The following GRM1 variants were observed in gnomAD, a reference collection of about 807,000 sequenced individuals.
GRM1 encodes metabotropic glutamate receptor 1.
In GRM1, 33 loss-of-function variants were observed where a neutral mutation model predicts 90.9. That is an observed-to-expected ratio of 0.36 (90% CI 0.28 to 0.49). The LOEUF (loss-of-function observed/expected upper bound fraction) is 0.49, where lower values mean the gene tolerates loss of function less well. Among genes scored for constraint, GRM1 ranks in the 20% least tolerant of loss-of-function variants. The probability of loss-of-function intolerance (pLI) is 0.99; values close to 1 mark genes in which losing one functional copy is unlikely to be tolerated. For synonymous variants in GRM1, 700 were observed against 613.2 expected (o/e 1.14, Z -2.09); for missense variants, 1,190 against 1,534.3 (o/e 0.78, Z 3.75).
At chr6:146,047,575 GAA>G (rs5880663) in intron 1 of GRM1, among the ~76,000 whole-genome samples, 2,408 of 139,152 alleles carry the variant, frequency 0.017, 48 homozygotes, top group African/African-American at 0.052. Context: ...CATGCCTCAG[GAA>G]AAAAAAAAAA....
intron 2 of GRM1, among the ~76,000 whole-genome samples, chr6:146,203,192 AAAATAAATAAATAAATAAATAAAT>A (rs60263974): frequency 2.8e-5 from 4 of 141,718 alleles, no homozygotes; most frequent in South Asian, 2.4e-4. Context: ...ACTCCGTCTC[AAAATAAATAAATAAATAAATAAAT>A]AAATAAATAA....
intron 1 of GRM1, among the ~76,000 whole-genome samples, chr6:146,121,317 T>G (rs981225188): frequency 1.3e-5 from 2 of 152,178 alleles, no homozygotes; most frequent in African/African-American, 4.8e-5. Context: ...GTCTATTTGA[T>G]TCTTCTCTCT....
chr6:146,064,993 T>C (rs1775799867), intron 1 of GRM1, among the ~76,000 whole-genome samples: 1 of 152,052 alleles, frequency 6.6e-6, no homozygotes, highest in Non-Finnish European at 1.5e-5. Flanking sequence ...TGCTAGATAA[T>C]CTTCAAAGCC....
At chr6:146,161,159 A>C (rs73571289) in intron 2 of GRM1, among the ~76,000 whole-genome samples, 10,700 of 152,198 alleles carry the variant, frequency 0.07, 440 homozygotes, top group African/African-American at 0.11. Context: ...CTTGTTTTTA[A>C]AAAATTCTCA....
intron 1 of GRM1, among the ~76,000 whole-genome samples, chr6:146,126,637 AT>A (rs1386759799): frequency 6.6e-6 from 1 of 152,088 alleles, no homozygotes; most frequent in African/African-American, 2.4e-5. Context: ...GTATCATATC[AT>A]TGTAATTTTA....
At chr6:146,278,995 G>A (rs78179199) in intron 2 of GRM1, among the ~76,000 whole-genome samples, 2,441 of 152,162 alleles carry the variant, frequency 0.016, 54 homozygotes, top group African/African-American at 0.055. Flanking sequence ...GTGAGCGACC[G>A]CGTCCAGCTG....
At chr6:146,089,168 G>C (rs951990741) in intron 1 of GRM1, among the ~76,000 whole-genome samples, 1 of 152,094 alleles carries the variant, frequency 6.6e-6, no homozygotes, top group Non-Finnish European at 1.5e-5. Flanking sequence ...GGAATAAGTG[G>C]CCACATTGAT....
intron 3 of GRM1, among the ~76,000 whole-genome samples, chr6:146,352,043 G>A (rs1785428809): frequency 6.6e-6 from 1 of 152,138 alleles, no homozygotes; most frequent in Admixed American, 6.5e-5. Flanking sequence ...TTATCGAATA[G>A]AGAGAATAAA....
rs184659385 is a variant in GRM1 at position 146,214,246 on chromosome 6, T to G, written c.950+54649T>G. Reference sequence around the variant, plus strand: ...CCATCACAACTGCTCTCTATAATACTCCATGCTATATGCAAAGAAGATAGT... The same window carrying G: ...CCATCACAACTGCTCTCTATAATACGCCATGCTATATGCAAAGAAGATAGT... On this transcript the variant is annotated intron_variant, in intron 2 of 7. Transcript: ENST00000282753. Among the ~76,000 whole-genome samples, 450 of 152,220 alleles carry G rather than the reference T, an allele frequency of 3.0e-3. 2 individuals carry two copies. Among genetic ancestry groups the G allele is most frequent in the Non-Finnish European group, 4.8e-3 (329 of 68,020 alleles).
intron 5 of GRM1, among the ~76,000 whole-genome samples, chr6:146,372,237 C>A (rs1229156802): frequency 6.6e-6 from 1 of 152,024 alleles, no homozygotes; most frequent in East Asian, 1.9e-4. Flanking sequence ...TTTTCTTATG[C>A]CTGTTTGCCA....
At chr6:146,076,858 C>T (rs564288573) in intron 1 of GRM1, among the ~76,000 whole-genome samples, 2 of 152,198 alleles carry the variant, frequency 1.3e-5, no homozygotes, top group South Asian at 4.2e-4. Context: ...TTCTCCTTTG[C>T]CTGAAAGTCT....
chr6:146,221,392 G>A (rs951244372), intron 2 of GRM1, among the ~76,000 whole-genome samples: 4 of 152,030 alleles, frequency 2.6e-5, no homozygotes, highest in East Asian at 3.9e-4. Context: ...TCCCCTCCCT[G>A]TGTCCATGTG....
intron 2 of GRM1, among the ~76,000 whole-genome samples, chr6:146,293,575 T>A (rs1408975091): frequency 6.6e-6 from 1 of 152,002 alleles, no homozygotes; most frequent in Non-Finnish European, 1.5e-5. Context: ...AATCTTTCAG[T>A]CTTTGACTGG....
chr6:146,120,650 G>C (rs2128877055), intron 1 of GRM1, among the ~76,000 whole-genome samples: 1 of 152,306 alleles, frequency 6.6e-6, no homozygotes, highest in Non-Finnish European at 1.5e-5. Flanking sequence ...AGCGTGAAGA[G>C]TTGTTGAATT....
chr6:146,181,818 A>G (rs1003154381), intron 2 of GRM1, among the ~76,000 whole-genome samples: 1 of 152,182 alleles, frequency 6.6e-6, no homozygotes, highest in African/African-American at 2.4e-5. Flanking sequence ...TGGGATCAGA[A>G]TGATTAACAA....
At chr6:146,390,991 A>G (rs1776695853) in intron 6 of GRM1, among the ~76,000 whole-genome samples, 1 of 152,120 alleles carries the variant, frequency 6.6e-6, no homozygotes, top group South Asian at 2.1e-4. Context: ...TAATAGAATT[A>G]CTATTTATAT....
intron 3 of GRM1, among the ~76,000 whole-genome samples, chr6:146,319,340 G>C (rs1306213713): frequency 6.6e-6 from 1 of 152,084 alleles, no homozygotes; most frequent in Non-Finnish European, 1.5e-5. Context: ...ATATGTTTTG[G>C]TACCAGTACC....
intron 2 of GRM1, among the ~76,000 whole-genome samples, chr6:146,196,405 A>G (rs1779121578): frequency 6.7e-6 from 1 of 149,048 alleles, no homozygotes; most frequent in South Asian, 2.1e-4. Context: ...TTCCTGCCTC[A>G]GCCTCCCAAG....
intron 1 of GRM1, among the ~76,000 whole-genome samples, chr6:146,075,743 T>C (rs1312018463): frequency 1.3e-5 from 2 of 152,236 alleles, no homozygotes; most frequent in African/African-American, 4.8e-5. Flanking sequence ...CCTTCCTTTT[T>C]TCTTCCCAGT....
Sources: allele counts gnomAD v4.1 joint callset (sites outside exome capture counted in the v4.1 genomes callset), GRCh38; gene constraint gnomAD v4.1.1; transcripts MANE v1.5; gene names NCBI Gene and HGNC (gene_info 2026-07-23, HGNC 2026-07-21).